The following BCAS3 variants were observed in gnomAD, a reference collection of about 807,000 sequenced individuals.
The protein encoded by BCAS3 is BCAS3 microtubule associated cell migration factor.
In BCAS3, 53 loss-of-function variants were observed where a neutral mutation model predicts 116.1. That is an observed-to-expected ratio of 0.46 (90% CI 0.37 to 0.57). BCAS3 has a LOEUF of 0.57. Among genes scored for constraint, BCAS3 ranks in the 20% least tolerant of loss-of-function variants. The pLI is 0.00. For synonymous variants in BCAS3, 391 were observed against 408.2 expected (o/e 0.96, Z 0.51); for missense variants, 917 against 1,165.4 (o/e 0.79, Z 3.10).
intron 11 of BCAS3, among the ~76,000 whole-genome samples, chr17:60,904,617 A>T (rs1567834988): frequency 6.6e-6 from 1 of 152,148 alleles, no homozygotes; most frequent in Non-Finnish European, 1.5e-5. Flanking sequence ...GGATCACATG[A>T]GCTCAGGAAT....
intron 2 of BCAS3, among the ~76,000 whole-genome samples, chr17:60,680,184 T>G (rs1052705296): frequency 6.7e-6 from 1 of 150,370 alleles, no homozygotes; most frequent in African/African-American, 2.4e-5. Flanking sequence ...AATAGAAAAT[T>G]AGAAAATATA....
At chr17:61,267,733 AAAAAG>A (rs1226347001) in intron 22 of BCAS3, among the ~76,000 whole-genome samples, 20 of 151,856 alleles carry the variant, frequency 1.3e-4, no homozygotes, top group African/African-American at 1.9e-4. Context: ...AGAAAAAAAA[AAAAAG>A]AAAAGAAAAG....
chr17:60,924,663 A>T (rs1464457741), intron 13 of BCAS3, among the ~76,000 whole-genome samples, 163 bp downstream of exon 13: 1 of 152,020 alleles, frequency 6.6e-6, no homozygotes, highest in Non-Finnish European at 1.5e-5. Context: ...TTATAATAAA[A>T]ATTTAGTACC....
intron 5 of BCAS3, among the ~76,000 whole-genome samples, chr17:60,717,550 G>A (rs1167973358): frequency 1.3e-5 from 2 of 152,086 alleles, no homozygotes; most frequent in Non-Finnish European, 2.9e-5. Flanking sequence ...CAGCAAGGAG[G>A]CAGTTTAGCT....
In BCAS3 at chr17:61,118,617, A is replaced by G. The variant is rs2075616222; in HGVS notation, c.2425+34053A>G. Among the ~76,000 whole-genome samples, 1 of 151,962 alleles carries G rather than the reference A, an allele frequency of 6.6e-6. No individual in the cohort carries two copies. The highest frequency in any genetic ancestry group is 2.4e-5 in the African/African-American group (1 of 41,372). ...CTGGGCTCCCTACTTGGCCTTTCCC[A>G]CTGTGGGTGGTGGGGGTGCTGCAAG... is the stretch of plus-strand genomic sequence containing the variant. On this transcript the variant is annotated intron_variant, in intron 22 of 23. Coordinates refer to ENST00000407086, the MANE Select transcript of BCAS3 (RefSeq NM_017679.5). The surrounding 1 kb of genome is among the most constrained non-coding windows in gnomAD (Gnocchi z 5.0).
chr17:60,894,270 T>C (rs1348413709), intron 10 of BCAS3, among the ~76,000 whole-genome samples: 1 of 152,114 alleles, frequency 6.6e-6, no homozygotes, highest in Admixed American at 6.5e-5. Flanking sequence ...TGTTTTGTAG[T>C]TTTTTCTTGT....
At chr17:60,851,414 G>T in intron 7 of BCAS3, 1 of 414,232 alleles carries the variant, frequency 2.4e-6, no homozygotes. Flanking sequence ...CCACCGAAGG[G>T]GCCGCCAAGG....
intron 9 of BCAS3, among the ~76,000 whole-genome samples, chr17:60,880,975 G>GT (rs772650804): frequency 5.8e-4 from 71 of 122,774 alleles, no homozygotes; most frequent in African/African-American, 2.9e-3. Context: ...GTTTTGTTTT[G>GT]TTTGTTTGTT....
At position 61,386,805 on chromosome 17, in the gene BCAS3, T is replaced by G. The variant is rs1224588864; in HGVS notation, c.2594-5172T>G. 2.3e-3 allele frequency among the ~76,000 whole-genome samples: 344 copies of G among 150,220 alleles called. 1 individual carries two copies. The highest frequency in any genetic ancestry group is 0.011 in the South Asian group (51 of 4,720). ...TTTGTTTTTGTTTTTTGTTTTTTTT[T>G]TTTTTTTTGAGATGCCAGGCTGGAG... On this transcript the variant is annotated intron_variant, in intron 23 of 23. Transcript: ENST00000407086.
chr17:60,762,316 G>C (rs983475436), intron 6 of BCAS3, among the ~76,000 whole-genome samples: 2 of 152,060 alleles, frequency 1.3e-5, no homozygotes, highest in Non-Finnish European at 2.9e-5. Flanking sequence ...TTTCTTCTAG[G>C]GTTTTTATGG....
chr17:60,877,983 G>C (rs2055769359), intron 9 of BCAS3, among the ~76,000 whole-genome samples: 1 of 151,178 alleles, frequency 6.6e-6, no homozygotes, highest in South Asian at 2.1e-4. Context: ...AATTAACTAT[G>C]TATATAAGCC....
At chr17:60,973,607 A>G (rs996437833) in intron 14 of BCAS3, among the ~76,000 whole-genome samples, 2 of 148,810 alleles carry the variant, frequency 1.3e-5, no homozygotes, top group East Asian at 3.9e-4. Flanking sequence ...ATATATATAT[A>G]TGTATGAAGG....
chr17:61,093,630 G>A (rs1402581108), intron 22 of BCAS3, among the ~76,000 whole-genome samples: 1 of 152,148 alleles, frequency 6.6e-6, no homozygotes, highest in Non-Finnish European at 1.5e-5. Context: ...CAGGGATCAA[G>A]GTGTTTAGTT....
rs75914013 is a variant in BCAS3 at position 61,072,676 on chromosome 17, CAA to C, written c.2030-2227_2030-2226del. On this transcript the variant is annotated intron_variant, in intron 19 of 23. Coordinates refer to ENST00000407086, the MANE Select transcript of BCAS3 (RefSeq NM_017679.5). Reference sequence around the variant, plus strand: ...CATCATATTACTCGAGCTTTATTACCAAAAAAAAAAAAAAAAAAGAAGAAAGG... The same window carrying C: ...CATCATATTACTCGAGCTTTATTACCAAAAAAAAAAAAAAAAGAAGAAAGG... Among the ~76,000 whole-genome samples the C allele has an allele frequency of 2.7e-3, 272 of 102,334 alleles. 1 individual carries two copies. The highest frequency in any genetic ancestry group is 7.3e-3 in the African/African-American group (237 of 32,450). 67.1% of individuals were successfully genotyped at this position (102,334 alleles called of 152,430 possible). A position where few individuals can be genotyped will look rare whatever the true frequency, so the allele number is the denominator to read the frequency against.
rs116073519 is a variant in BCAS3, at chr17:61,241,300, C to T, written c.2426-127027C>T. The stretch of plus-strand genomic sequence containing the variant: ...GAGCCTGTTTACCACCAAGTACCCA[C>T]GTCTTCCTTTGGCTCTGTTGTCCTC... On this transcript the variant is annotated intron_variant, in intron 22 of 23. Coordinates refer to ENST00000407086, the MANE Select transcript of BCAS3 (RefSeq NM_017679.5). The surrounding 1 kb of genome is among the most constrained non-coding windows in gnomAD (Gnocchi z 4.6). Among the ~76,000 whole-genome samples the T allele has an allele frequency of 2.4e-3, 368 of 152,164 alleles. 2 individuals carry two copies. The highest frequency in any genetic ancestry group is 8.0e-3 in the African/African-American group (331 of 41,520).
At chr17:60,770,795 C>A (rs1460876290) in intron 6 of BCAS3, among the ~76,000 whole-genome samples, 3 of 144,180 alleles carry the variant, frequency 2.1e-5, no homozygotes, top group African/African-American at 7.5e-5. Context: ...TGCATACTAT[C>A]TGCAGTAGTC....
rs2143293413 is a variant in BCAS3 at position 61,346,840 on chromosome 17, T to C, written c.2426-21487T>C. Among the ~76,000 whole-genome samples the C allele has an allele frequency of 6.6e-6, 1 of 152,312 alleles. No homozygotes were observed. The highest frequency in any genetic ancestry group is 6.5e-5 in the Admixed American group (1 of 15,308). On this transcript the variant is annotated intron_variant, in intron 22 of 23. Coordinates refer to ENST00000407086, the MANE Select transcript of BCAS3 (RefSeq NM_017679.5). The surrounding 1 kb of genome is among the most constrained non-coding windows in gnomAD (Gnocchi z 5.4). ...TGTGGGGATGTGGTAGAGGGACTGGTTCCTCATCCAGGGTGACTCCAGGAA... is the reference window on the plus strand; with the variant it reads ...TGTGGGGATGTGGTAGAGGGACTGGCTCCTCATCCAGGGTGACTCCAGGAA...
chr17:60,815,850 A>G (rs1057114609), intron 7 of BCAS3, among the ~76,000 whole-genome samples: 4 of 152,150 alleles, frequency 2.6e-5, no homozygotes, highest in African/African-American at 9.7e-5. Context: ...TATCTTGCCC[A>G]TCTTTATTTC....
intron 7 of BCAS3, among the ~76,000 whole-genome samples, chr17:60,840,602 AT>A (rs2051814921): frequency 6.6e-6 from 1 of 152,152 alleles, no homozygotes; most frequent in Non-Finnish European, 1.5e-5. Flanking sequence ...TTAGTGGTTC[AT>A]TTGACTAGGC....
Sources: allele counts gnomAD v4.1 joint callset (sites outside exome capture counted in the v4.1 genomes callset), GRCh38; gene constraint gnomAD v4.1.1; non-coding constraint Gnocchi (gnomAD v3.1); transcripts MANE v1.5; gene names NCBI Gene and HGNC (gene_info 2026-07-23, HGNC 2026-07-21).